The following TRHDE variants were observed in gnomAD, a reference collection of about 807,000 sequenced individuals.
The protein encoded by TRHDE is thyrotropin releasing hormone degrading enzyme.
Under a neutral mutation model 125.7 loss-of-function variants are expected in TRHDE, and 72 were observed. The ratio of observed to expected loss-of-function variants is 0.57; its 90% CI spans 0.47 to 0.70. The LOEUF (loss-of-function observed/expected upper bound fraction) is 0.70, where lower values mean the gene tolerates loss of function less well. Among genes scored for constraint, TRHDE ranks in the 30% least tolerant of loss-of-function variants. The pLI, the probability that TRHDE is intolerant of heterozygous loss-of-function variation, is 0.00. For synonymous variants in TRHDE, 509 were observed against 509.1 expected, an observed-to-expected ratio of 1.00 and a Z score of 0.00; for missense variants, 1,110 against 1,327.1, an observed-to-expected ratio of 0.84 and a Z score of 2.54.
At chr12:72,518,193 G>A (rs1380185307) in intron 6 of TRHDE, among the ~76,000 whole-genome samples, 1 of 150,034 alleles carries the variant, frequency 6.7e-6, no homozygotes, top group Non-Finnish European at 1.5e-5. Context: ...CAATTCCTGG[G>A]TATCCTTGTT....
Position 72,532,323 on chromosome 12 carries a change from T to C in TRHDE, c.1723-9968T>C, listed in dbSNP as rs576642173. On this transcript the variant is annotated intron_variant, in intron 6 of 18. Transcript: ENST00000261180. The stretch of plus-strand genomic sequence containing the variant: ...AAATAATCTCTTTGCTATACTCTTT[T>C]ATTGATTTTATATATTGCTTCTATA... Among the ~76,000 whole-genome samples the C allele has an allele frequency of 9.9e-5, 15 of 151,782 alleles. No individual in the cohort carries two copies. The South Asian group carries it at 3.1e-3, about 32-fold the overall frequency.
Position 72,224,267 on chromosome 12 carries a change from C to G in TRHDE, n.279+118515C>G, listed in dbSNP as rs1019318049. 3.1e-4 allele frequency among the ~76,000 whole-genome samples: 47 copies of G among 151,562 alleles called. 1 individual carries two copies. Among genetic ancestry groups the G allele is most frequent in the Admixed American group, 9.2e-4 (14 of 15,156 alleles). On this transcript the variant is annotated intron_variant and non_coding_transcript_variant, in intron 2 of 4. Coordinates refer to the TRHDE transcript ENST00000548156. The stretch of plus-strand genomic sequence containing the variant: ...ACTTTGGTTACAAATATGAAGGACC[C>G]CCCCCTAGGTAGACCAGAACCAGAG...
Position 72,562,188 on chromosome 12 carries a change from T to C in TRHDE, c.1812T>C (p.Tyr604=), listed in dbSNP as rs764854023. 23 of 1,564,992 alleles carry C rather than the reference T, an allele frequency of 1.5e-5. No homozygotes were observed. The South Asian group carries it at 2.6e-4, about 18-fold the overall frequency. Residue 604 remains tyrosine (Y), a synonymous_variant, in exon 8 of 19, where the codon TAT becomes TAC. Transcript: ENST00000261180. ...AGGATTATTTAACCATTCATAAGTA[T>C]GGTAATGCAGCCAGAAATGATCTCT... ...GLQDYLTIHK[Y]GNAARNDLWN...
At chr12:72,571,673 G>C (rs948212354) in intron 10 of TRHDE, among the ~76,000 whole-genome samples, 4 of 151,970 alleles carry the variant, frequency 2.6e-5, no homozygotes, top group African/African-American at 7.3e-5. Flanking sequence ...TTCAATTAAC[G>C]GTTCATGGAG....
At chr12:72,547,289 A>C (rs1298533719) in intron 7 of TRHDE, among the ~76,000 whole-genome samples, 1 of 151,700 alleles carries the variant, frequency 6.6e-6, no homozygotes, top group Non-Finnish European at 1.5e-5. Flanking sequence ...CAATTTTACC[A>C]GGACATATGA....
intron 3 of TRHDE, among the ~76,000 whole-genome samples, chr12:72,392,657 A>G (rs570053620): frequency 7.9e-5 from 12 of 152,318 alleles, no homozygotes; most frequent in African/African-American, 2.6e-4. Flanking sequence ...TTGTGTTCCA[A>G]TAACATCTTG....
At chr12:72,191,781 A>G (rs1565659252) in intron 2 of TRHDE, among the ~76,000 whole-genome samples, 1 of 152,212 alleles carries the variant, frequency 6.6e-6, no homozygotes, top group Non-Finnish European at 1.5e-5. Context: ...TTTGTGATTC[A>G]TGGAATGTGC....
intron 2 of TRHDE, among the ~76,000 whole-genome samples, chr12:72,309,504 A>G (rs1247253482): frequency 1.3e-5 from 2 of 152,122 alleles, no homozygotes. Flanking sequence ...GGAAAGGAGG[A>G]AAAACAGCTT....
intron 7 of TRHDE, among the ~76,000 whole-genome samples, chr12:72,559,894 A>T (rs1438772711): frequency 1.3e-5 from 2 of 152,138 alleles, no homozygotes; most frequent in African/African-American, 4.8e-5. Context: ...TACACAAATC[A>T]CATCTCAGTA....
At chr12:72,373,039 AT>A (rs1871686532) in intron 2 of TRHDE, among the ~76,000 whole-genome samples, 1 of 152,116 alleles carries the variant, frequency 6.6e-6, no homozygotes, top group South Asian at 2.1e-4. Flanking sequence ...ATGTTCCTCC[AT>A]TTGTTTGTAT....
At chr12:72,416,758 C>A (rs1051611836) in intron 3 of TRHDE, among the ~76,000 whole-genome samples, 11 of 151,966 alleles carry the variant, frequency 7.2e-5, no homozygotes, top group Non-Finnish European at 1.6e-4. Flanking sequence ...ATACCTGTAC[C>A]GTGCTGTTTA....
intron 2 of TRHDE, among the ~76,000 whole-genome samples, chr12:72,205,375 A>G (rs1592482903): frequency 6.6e-6 from 1 of 151,906 alleles, no homozygotes; most frequent in South Asian, 2.1e-4. Flanking sequence ...GCTAAAAAAC[A>G]TATAACATAA....
At chr12:72,181,471 A>C (rs1877095394) in intron 2 of TRHDE, among the ~76,000 whole-genome samples, 1 of 152,162 alleles carries the variant, frequency 6.6e-6, no homozygotes, top group African/African-American at 2.4e-5. Context: ...AAACCAGCTC[A>C]CTTTTCTCTT....
chr12:72,523,079 G>A (rs1471771672), intron 6 of TRHDE, among the ~76,000 whole-genome samples: 1 of 151,972 alleles, frequency 6.6e-6, no homozygotes, highest in East Asian at 1.9e-4. Flanking sequence ...CAGTGACCCT[G>A]TTGTAGGCAG....
chr12:72,395,238 T>C (rs1037209221), intron 3 of TRHDE, among the ~76,000 whole-genome samples: 2 of 152,138 alleles, frequency 1.3e-5, no homozygotes, highest in Non-Finnish European at 2.9e-5. Flanking sequence ...CCTGAAACAC[T>C]GACTTTCCAT....
intron 2 of TRHDE, among the ~76,000 whole-genome samples, chr12:72,248,834 C>T (rs1208377795): frequency 2.0e-5 from 3 of 152,178 alleles, no homozygotes; most frequent in African/African-American, 7.2e-5. Flanking sequence ...GATGTGAAAT[C>T]TAGGCAGTTT....
chr12:72,274,726 G>C (rs1879416702), intron 1 of TRHDE: 1 of 152,190 alleles, frequency 6.6e-6, no homozygotes, highest in African/African-American at 2.4e-5. Context: ...CTTGAGCCTA[G>C]ACTTTTAATT....
chr12:72,396,217 T>G (rs935342861), intron 3 of TRHDE, among the ~76,000 whole-genome samples: 2 of 152,244 alleles, frequency 1.3e-5, no homozygotes, highest in East Asian at 1.9e-4. Flanking sequence ...AAGAAACATT[T>G]CCTGATCTTG....
intron 7 of TRHDE, among the ~76,000 whole-genome samples, chr12:72,554,760 CA>C (rs1330239864): frequency 1.3e-5 from 2 of 152,184 alleles, no homozygotes; most frequent in African/African-American, 4.8e-5. Context: ...TTCATACCAG[CA>C]GCAAAAGTGA....
Sources: gnomAD v4.1 joint callset for allele counts (sites outside exome capture counted in the v4.1 genomes callset) on GRCh38, gnomAD v4.1.1 for gene constraint, MANE v1.5 for transcripts, NCBI Gene and HGNC (gene_info 2026-07-23, HGNC 2026-07-21) for gene names.